Variants in CADPS observed in about 807,000 individuals in gnomAD.
CADPS encodes calcium dependent secretion activator.
Under a neutral mutation model 167.3 loss-of-function variants are expected in CADPS, and 57 were observed. The ratio of observed to expected loss-of-function variants is 0.34; its 90% CI spans 0.28 to 0.42. The LOEUF (loss-of-function observed/expected upper bound fraction) is 0.42. CADPS is among the 20% of genes least tolerant of loss of function. The pLI is 1.00. For synonymous variants in CADPS, 676 were observed against 635.3 expected, an observed-to-expected ratio of 1.06 and a Z score of -0.96; for missense variants, 1,414 against 1,738.1, an observed-to-expected ratio of 0.81 and a Z score of 3.32.
intron 3 of CADPS, among the ~76,000 whole-genome samples, chr3:62,752,756 C>T (rs943519441): frequency 6.6e-6 from 1 of 152,170 alleles, no homozygotes; most frequent in Admixed American, 6.5e-5. Flanking sequence ...TAAATTGCTC[C>T]TAAGAGACAT....
intron 13 of CADPS, 89 bp from the exon 14 acceptor site, chr3:62,518,339 A>G (rs1308319515): frequency 1.0e-6 from 1 of 960,574 alleles, no homozygotes; most frequent in Non-Finnish European, 1.6e-6. Flanking sequence ...TGTCCATTTT[A>G]GAAGAAACAA....
intron 1 of CADPS, among the ~76,000 whole-genome samples, chr3:62,831,342 T>C (rs2075044325): frequency 6.6e-6 from 1 of 152,176 alleles, no homozygotes; most frequent in Non-Finnish European, 1.5e-5. Flanking sequence ...AGAGACACTA[T>C]CATATCTAGG....
intron 7 of CADPS, among the ~76,000 whole-genome samples, chr3:62,588,961 A>G (rs1313876283): frequency 6.6e-6 from 1 of 152,230 alleles, no homozygotes; most frequent in African/African-American, 2.4e-5. Context: ...GAAGGATACC[A>G]TAAATTGAAA....
Position 62,874,480 on chromosome 3 carries a change from T to G in CADPS, c.441+109A>C. On this transcript the variant is annotated intron_variant, in intron 1 of 29. Transcript: ENST00000383710. The surrounding 1 kb of genome is among the most constrained non-coding windows in gnomAD (Gnocchi z 7.1). Reference sequence around the variant, plus strand: ...GTAGCCCTTTCCCCAGGGCGCGGTCTCCACCTCTCCTGCTCCTCCTCGCCA... The same window carrying G: ...GTAGCCCTTTCCCCAGGGCGCGGTCGCCACCTCTCCTGCTCCTCCTCGCCA... The G allele has an allele frequency of 3.5e-6, 3 of 849,666 alleles. No homozygotes were observed. The highest frequency in any genetic ancestry group is 3.7e-6 in the Non-Finnish European group (2 of 545,452). 52.6% of individuals were successfully genotyped at this position (849,666 alleles called of 1,614,324 possible). A position where few individuals can be genotyped will look rare whatever the true frequency, so the allele number is the denominator to read the frequency against.
At chr3:62,538,215 G>C (rs909311484) in intron 11 of CADPS, among the ~76,000 whole-genome samples, 1 of 151,968 alleles carries the variant, frequency 6.6e-6, no homozygotes, top group African/African-American at 2.4e-5. Flanking sequence ...CTTTCAGTTC[G>C]GTTGTTTGGT....
At chr3:62,656,437 G>C (rs2071605514) in intron 4 of CADPS, among the ~76,000 whole-genome samples, 2 of 152,112 alleles carry the variant, frequency 1.3e-5, no homozygotes, top group African/African-American at 4.8e-5. Context: ...TTAAGCAATA[G>C]TTACTAGAGT....
At chr3:62,704,550 C>T (rs2081995608) in intron 3 of CADPS, among the ~76,000 whole-genome samples, 1 of 152,120 alleles carries the variant, frequency 6.6e-6, no homozygotes, top group Non-Finnish European at 1.5e-5. Context: ...ATTTGGTCTA[C>T]CTTTTACCTG....
chr3:62,676,934 T>C (rs2076426272), intron 3 of CADPS, among the ~76,000 whole-genome samples: 1 of 152,128 alleles, frequency 6.6e-6, no homozygotes, highest in Non-Finnish European at 1.5e-5. Context: ...GAAGGGATCT[T>C]ATGCTCCTGA....
At chr3:62,629,710 G>A (rs930174303) in intron 6 of CADPS, among the ~76,000 whole-genome samples, 16 of 151,804 alleles carry the variant, frequency 1.1e-4, no homozygotes, top group South Asian at 1.0e-3. Context: ...TGTGGTCCTT[G>A]CCTATGTCTC....
At chr3:62,621,023 T>A (rs1301716696) in intron 6 of CADPS, among the ~76,000 whole-genome samples, 1 of 152,190 alleles carries the variant, frequency 6.6e-6, no homozygotes, top group Non-Finnish European at 1.5e-5. Context: ...AGTGAGAAGG[T>A]TGGACAGGAC....
intron 3 of CADPS, among the ~76,000 whole-genome samples, chr3:62,720,054 A>T (rs1189094880): frequency 6.6e-6 from 1 of 152,174 alleles, no homozygotes; most frequent in Non-Finnish European, 1.5e-5. Context: ...GATGGACACA[A>T]AACACAACAA....
At chr3:62,475,584 G>GAA (rs34263556) in intron 23 of CADPS, among the ~76,000 whole-genome samples, 11,878 of 55,950 alleles carry the variant, frequency 0.21, 3,864 homozygotes, top group Non-Finnish European at 0.25. Flanking sequence ...CAGTTCTTAA[G>GAA]AAAAAAAAAA....
intron 3 of CADPS, among the ~76,000 whole-genome samples, chr3:62,714,038 C>T (rs1455098360): frequency 6.6e-6 from 1 of 152,062 alleles, no homozygotes; most frequent in African/African-American, 2.4e-5. Flanking sequence ...ATTATTAGCC[C>T]CATTTTATAG....
chr3:62,453,598 G>A (rs1361720425), intron 26 of CADPS, among the ~76,000 whole-genome samples: 1 of 152,214 alleles, frequency 6.6e-6, no homozygotes, highest in Non-Finnish European at 1.5e-5. Context: ...CTGACTGCTT[G>A]GGTGAGACAG....
intron 1 of CADPS, among the ~76,000 whole-genome samples, chr3:62,805,473 C>T (rs1158078119): frequency 2.9e-4 from 44 of 152,138 alleles, no homozygotes; most frequent in Admixed American, 2.9e-3. Flanking sequence ...CAAATCTTAC[C>T]TCGAAACTAC....
chr3:62,610,494 A>C (rs953172472), intron 6 of CADPS, among the ~76,000 whole-genome samples: 1 of 152,012 alleles, frequency 6.6e-6, no homozygotes, highest in African/African-American at 2.4e-5. Context: ...CAAGTGATCC[A>C]CCCACCTCGG....
At chr3:62,830,357 C>T (rs1365724593) in intron 1 of CADPS, among the ~76,000 whole-genome samples, 2 of 152,204 alleles carry the variant, frequency 1.3e-5, no homozygotes, top group Non-Finnish European at 2.9e-5. Flanking sequence ...AAAATTTACC[C>T]CCATCTGAGT....
At chr3:62,414,095 A>G (rs2049526595) in intron 28 of CADPS, among the ~76,000 whole-genome samples, 1 of 152,230 alleles carries the variant, frequency 6.6e-6, no homozygotes, top group Non-Finnish European at 1.5e-5. Flanking sequence ...GTGAAATAGA[A>G]TTAAATGAAG....
At chr3:62,425,115 T>C (rs932233544) in intron 28 of CADPS, among the ~76,000 whole-genome samples, 8 of 152,228 alleles carry the variant, frequency 5.3e-5, no homozygotes, top group African/African-American at 1.7e-4. Flanking sequence ...ACAGTGTTGC[T>C]ACAGAATAAA....
Sources: allele counts gnomAD v4.1 joint callset (sites outside exome capture counted in the v4.1 genomes callset), GRCh38; gene constraint gnomAD v4.1.1; non-coding constraint Gnocchi (gnomAD v3.1); transcripts MANE v1.5; gene names NCBI Gene and HGNC (gene_info 2026-07-23, HGNC 2026-07-21).